Variants in PIP5K1B observed in about 807,000 individuals in gnomAD.
PIP5K1B encodes phosphatidylinositol-4-phosphate 5-kinase type 1 beta.
A neutral mutation model predicts 67.0 loss-of-function variants in PIP5K1B; 42 were observed. That is an observed-to-expected ratio of 0.63 (90% confidence interval 0.49 to 0.81). The LOEUF (loss-of-function observed/expected upper bound fraction) is 0.81, where lower values mean the gene tolerates loss of function less well. Among genes scored for constraint, PIP5K1B ranks in the 30% least tolerant of loss-of-function variants. PIP5K1B has a pLI of 0.00. For missense variants in PIP5K1B, 459 were observed against 646.3 expected, an observed-to-expected ratio of 0.71 and a Z score of 3.14; for synonymous variants, 214 against 231.4, an observed-to-expected ratio of 0.92 and a Z score of 0.68.
Position 68,940,789 on chromosome 9 carries a change from A to G in PIP5K1B, c.1501A>G (p.Ser501Gly). 1 of 1,613,664 alleles carries G rather than the reference A, an allele frequency of 6.2e-7. No individual in the cohort carries two copies. Among genetic ancestry groups the G allele is most frequent in the Non-Finnish European group, 8.5e-7 (1 of 1,179,570 alleles). Reference protein sequence around the residue: ...PHDRPTLYSNSKGLPSSSTFT... With the variant: ...PHDRPTLYSNGKGLPSSSTFT... ...CGACAGGCCTACACTCTATTCAAAC[A>G]GGTAATACTTAGTGCAGTCAAATAA... Residue 501 changes from serine to glycine, a missense_variant and splice_region_variant, in exon 14 of 16, where the codon AGC becomes GGC. By Grantham distance (56) the Ser-to-Gly change is moderately conservative. This residue lies in a region of PIP5K1B where 169 missense variants were observed against 171.9 expected (regional missense o/e 0.98). Transcript: ENST00000265382.
Position 68,893,367 on chromosome 9 carries a change from T to C in PIP5K1B, c.472-972T>C, listed in dbSNP as rs1297067102. On this transcript the variant is annotated intron_variant, in intron 7 of 15. Coordinates refer to ENST00000265382, the MANE Select transcript of PIP5K1B (RefSeq NM_003558.4). ...TTTTTTTTTTGAGACAGAGTCTCGC[T>C]CTGTCACCCCGGCTGGAGTGCAGTG... is the stretch of plus-strand genomic sequence containing the variant. Among the ~76,000 whole-genome samples, 8 of 131,906 alleles carry C rather than the reference T, an allele frequency of 6.1e-5. No homozygotes were observed. The East Asian group carries it at 1.6e-3, about 26-fold the overall frequency. 86.5% of individuals were successfully genotyped at this position (131,906 alleles called of 152,430 possible). A position where few individuals can be genotyped will look rare whatever the true frequency, so the allele number is the denominator to read the frequency against.
At chr9:68,852,577 C>T (rs1168161401) in intron 4 of PIP5K1B, among the ~76,000 whole-genome samples, 1 of 152,206 alleles carries the variant, frequency 6.6e-6, no homozygotes, top group African/African-American at 2.4e-5. Flanking sequence ...AACTAGAAGC[C>T]AGAGGGAGCC....
At chr9:68,820,921 C>T (rs963864417) in intron 3 of PIP5K1B, among the ~76,000 whole-genome samples, 10 of 152,248 alleles carry the variant, frequency 6.6e-5, no homozygotes, top group South Asian at 2.1e-4. Context: ...CACAAAGATA[C>T]GCAATAGTTT....
chr9:68,897,079 T>A (rs1825127284), intron 8 of PIP5K1B, among the ~76,000 whole-genome samples: 1 of 152,204 alleles, frequency 6.6e-6, no homozygotes, highest in African/African-American at 2.4e-5. Context: ...TTTGCAGAGC[T>A]GAGCCTCAGT....
At chr9:68,756,634 A>C (rs59987851) in intron 2 of PIP5K1B, among the ~76,000 whole-genome samples, 1 of 152,116 alleles carries the variant, frequency 6.6e-6, no homozygotes, top group Admixed American at 6.6e-5. Flanking sequence ...TCTTCTCTCT[A>C]TATGTTTTCT....
intron 7 of PIP5K1B, among the ~76,000 whole-genome samples, chr9:68,890,443 C>G (rs2132388768): frequency 1.3e-5 from 2 of 152,248 alleles, no homozygotes; most frequent in South Asian, 4.1e-4. Context: ...CAATCACTTG[C>G]TATGAGTGGT....
chr9:68,799,861 C>T (rs941789397), intron 2 of PIP5K1B, among the ~76,000 whole-genome samples: 4 of 152,030 alleles, frequency 2.6e-5, no homozygotes, highest in Non-Finnish European at 5.9e-5. Flanking sequence ...AAATCACAGG[C>T]AACAAGAGCA....
At chr9:68,964,444 G>T (rs186987974) in intron 14 of PIP5K1B, among the ~76,000 whole-genome samples, 16 of 152,288 alleles carry the variant, frequency 1.1e-4, no homozygotes, top group African/African-American at 3.9e-4. Context: ...GAATAAATTG[G>T]CATCTCACTT....
At chr9:68,891,441 A>C (rs1302822487) in intron 7 of PIP5K1B, among the ~76,000 whole-genome samples, 5 of 151,164 alleles carry the variant, frequency 3.3e-5, no homozygotes, top group Admixed American at 3.3e-4. Context: ...TTGGCAGGGG[A>C]GTTTTTTTTT....
intron 15 of PIP5K1B, among the ~76,000 whole-genome samples, chr9:69,007,794 T>C (rs1176927852): frequency 6.6e-6 from 1 of 151,726 alleles, no homozygotes; most frequent in African/African-American, 2.4e-5. Context: ...GAGGCAGAGG[T>C]TGCGGTGAGC....
chr9:68,870,871 A>G (rs1311758064), intron 5 of PIP5K1B, among the ~76,000 whole-genome samples: 3 of 152,236 alleles, frequency 2.0e-5, no homozygotes, highest in African/African-American at 7.2e-5. Context: ...CCTCAGAGCC[A>G]CTATTGATGG....
chr9:68,739,869 C>T (rs1468868530), intron 1 of PIP5K1B: 1 of 152,300 alleles, frequency 6.6e-6, no homozygotes, highest in East Asian at 1.9e-4. Context: ...GCCCAGACTC[C>T]TGCACGCTGT....
chr9:68,796,513 G>A (rs957855308), intron 2 of PIP5K1B, among the ~76,000 whole-genome samples: 2 of 152,186 alleles, frequency 1.3e-5, no homozygotes, highest in Non-Finnish European at 2.9e-5. Context: ...AAGAAGAAAA[G>A]TGTAGTTTTC....
At chr9:68,831,464 A>T (rs947244299) in intron 4 of PIP5K1B, among the ~76,000 whole-genome samples, 2 of 152,206 alleles carry the variant, frequency 1.3e-5, no homozygotes, top group African/African-American at 4.8e-5. Context: ...GCATAAAGCA[A>T]GTATGTGGCA....
chr9:68,963,748 C>G (rs940399806), intron 14 of PIP5K1B, among the ~76,000 whole-genome samples: 1 of 152,152 alleles, frequency 6.6e-6, no homozygotes, highest in Non-Finnish European at 1.5e-5. Context: ...TGAAATTCCA[C>G]ATTTCAGGTA....
intron 14 of PIP5K1B, among the ~76,000 whole-genome samples, chr9:68,954,147 A>G (rs985967302): frequency 5.9e-5 from 9 of 152,026 alleles, no homozygotes; most frequent in African/African-American, 1.2e-4. Flanking sequence ...GCCTGGCTAT[A>G]TATTTCTTTG....
intron 7 of PIP5K1B, among the ~76,000 whole-genome samples, chr9:68,893,448 C>G (rs1824911281): frequency 6.7e-6 from 1 of 150,266 alleles, no homozygotes; most frequent in Non-Finnish European, 1.5e-5. Context: ...ATTCTCCTGC[C>G]TCAGCCTCCC....
intron 15 of PIP5K1B, among the ~76,000 whole-genome samples, chr9:69,003,991 A>C (rs191829132): frequency 3.0e-4 from 45 of 152,374 alleles, no homozygotes; most frequent in Admixed American, 2.9e-3. Flanking sequence ...AATTTTAAAT[A>C]ACTTTTTAAA....
intron 2 of PIP5K1B, among the ~76,000 whole-genome samples, chr9:68,778,655 GTCT>G (rs1041435122): frequency 2.0e-4 from 31 of 152,038 alleles, no homozygotes; most frequent in African/African-American, 6.8e-4. Flanking sequence ...CTCCACTCTG[GTCT>G]TCTTTCAGCC....
Sources: gnomAD v4.1 joint callset for allele counts (sites outside exome capture counted in the v4.1 genomes callset) on GRCh38, gnomAD v4.1.1 for gene constraint, gnomAD v4.1.1 regional missense constraint, MANE v1.5 for transcripts, NCBI Gene and HGNC (gene_info 2026-07-23, HGNC 2026-07-21) for gene names.